Variants in CLPTM1L observed in about 807,000 individuals in gnomAD.
CLPTM1L encodes CLPTM1 like, also known as lipid scramblase CLPTM1L.
In CLPTM1L, 38 loss-of-function variants were observed where a neutral mutation model predicts 70.9. That is an observed-to-expected ratio of 0.54 (90% CI 0.41 to 0.70). The LOEUF is 0.70. Ranked by LOEUF, CLPTM1L falls within the 30% of genes least tolerant of loss-of-function variation. CLPTM1L has a pLI of 0.00. For missense variants in CLPTM1L, 652 were observed against 705.9 expected (o/e 0.92, Z 0.87); for synonymous variants, 339 against 299.9 (o/e 1.13, Z -1.35).
chr5:1,325,975 G>C (rs1752508833), intron 9 of CLPTM1L, 159 bp from the exon 10 acceptor site: 1 of 625,656 alleles, frequency 1.6e-6, no homozygotes. Flanking sequence ...GAGCGCTGGA[G>C]GCTGGACCTG....
At chr5:1,319,566 C>T (rs1400730909) in intron 16 of CLPTM1L, among the ~76,000 whole-genome samples, 1 of 152,214 alleles carries the variant, frequency 6.6e-6, no homozygotes, top group African/African-American at 2.4e-5. Context: ...CCCCAAGGGC[C>T]GGCACCCCGG....
chr5:1,324,920 C>G, intron 10 of CLPTM1L, 107 bp from the exon 11 acceptor site: 1 of 1,046,750 alleles, frequency 9.6e-7, no homozygotes, highest in Middle Eastern at 2.1e-4. Flanking sequence ...TGACCCAGGC[C>G]TCACTACAGA....
rs1046141820 is a variant in CLPTM1L at position 1,344,654 on chromosome 5, C to T, written c.162+26G>A. 5.8e-6 allele frequency: 9 copies of T among 1,543,798 alleles called. No individual in the cohort carries two copies. The African/African-American group carries it at 1.1e-4, about 19-fold the overall frequency. On this transcript the variant is annotated intron_variant, in intron 1 of 16. Transcript: ENST00000320895. ...GGAGAGGCCCCCACCCCAACCCGCC[C>T]GGCCCCCGGCCCCGCGGACGCTCAC...
Position 1,318,343 on chromosome 5 carries a change from T to C in CLPTM1L, c.*26A>G. Reference sequence around the variant, plus strand: ...TACTCATTGACAATTCAAGTTGCACTTGGCTGGCGGCAGCCCGGGCGGCCT... The same window carrying C: ...TACTCATTGACAATTCAAGTTGCACCTGGCTGGCGGCAGCCCGGGCGGCCT... On this transcript the variant is annotated 3_prime_UTR_variant, in exon 17 of 17. Coordinates refer to ENST00000320895, the MANE Select transcript of CLPTM1L (RefSeq NM_030782.5). The surrounding 1 kb of genome is among the most constrained non-coding windows in gnomAD (Gnocchi z 8.9). 1 of 1,598,120 alleles carries C rather than the reference T, an allele frequency of 6.3e-7. No homozygotes were observed. Among genetic ancestry groups the C allele is most frequent in the Non-Finnish European group, 8.6e-7 (1 of 1,166,982 alleles).
chr5:1,328,341 GCTCCTCCTCTACGGACACATTT>G (rs1752778052), intron 9 of CLPTM1L, among the ~76,000 whole-genome samples: 6 of 74,640 alleles, frequency 8.0e-5, no homozygotes, highest in African/African-American at 3.7e-4. Flanking sequence ...ATTTCATCCA[GCTCCTCCTCTACGGACACATTT>G]CATCCAGCTC....
intron 7 of CLPTM1L, 22 bp from the exon 8 acceptor site, chr5:1,331,905 G>A (rs764038874): frequency 1.3e-6 from 2 of 1,589,244 alleles, no homozygotes; most frequent in Non-Finnish European, 8.6e-7. Context: ...ACACACGACA[G>A]CAACTCACAT....
Position 1,317,921 on chromosome 5 carries a change from C to T in CLPTM1L, c.*448G>A, listed in dbSNP as rs1751925113. On this transcript the variant is annotated 3_prime_UTR_variant, in exon 17 of 17. Transcript: ENST00000320895. ...TAGAAACATACATTAAGCTTTAAAA[C>T]AACCAACTCTCAAACAAAAGAGGAA... 1 of 160,884 alleles carries T rather than the reference C, an allele frequency of 6.2e-6. No individual in the cohort carries two copies. The highest frequency in any genetic ancestry group is 1.3e-5 in the Non-Finnish European group (1 of 74,226). 10.0% of individuals were successfully genotyped at this position (160,884 alleles called of 1,614,324 possible). A position where few individuals can be genotyped will look rare whatever the true frequency, so the allele number is the denominator to read the frequency against.
intron 9 of CLPTM1L, among the ~76,000 whole-genome samples, chr5:1,327,865 A>G (rs1752732685): frequency 1.4e-5 from 2 of 139,340 alleles, no homozygotes; most frequent in African/African-American, 5.4e-5. Context: ...CTACAGACAC[A>G]TTTCATCCAG....
chr5:1,344,488 G>A, intron 1 of CLPTM1L, 37 bp from the exon 2 acceptor site: 1 of 1,574,802 alleles, frequency 6.3e-7, no homozygotes, highest in Non-Finnish European at 8.7e-7. Flanking sequence ...AGCTCGGCCA[G>A]GCCCTGGCAG....
rs758450868 is a variant in CLPTM1L, at chr5:1,334,349, T to C, written c.831A>G (p.Gly277=). Residue 277 remains glycine, a synonymous_variant, in exon 7 of 17, where the codon GGA becomes GGG. Transcript: ENST00000320895. ...FSEKDADEVK[G]IFVDTNLYFL... is the part of the protein sequence containing the mutation. ...AGTATAAGTTGGTATCTACAAAAATTCCTTTCACCTCATCAGCATCTTTCT... is the reference window on the plus strand; with the variant it reads ...AGTATAAGTTGGTATCTACAAAAATCCCTTTCACCTCATCAGCATCTTTCT... The C allele has an allele frequency of 1.9e-6, 3 of 1,613,038 alleles. No homozygotes were observed. In the East Asian group the frequency reaches 6.7e-5, roughly 36 times the overall value.
intron 5 of CLPTM1L, 111 bp downstream of exon 5, chr5:1,337,793 C>T (rs1011547941): frequency 4.7e-6 from 4 of 859,110 alleles, no homozygotes; most frequent in Admixed American, 2.1e-5. Flanking sequence ...GTAAAAGCAC[C>T]GTGTCAAATG....
chr5:1,344,609 G>A lies in CLPTM1L; in HGVS notation c.162+71C>T, dbSNP rs975638949. 245 of 1,505,222 alleles carry A rather than the reference G, an allele frequency of 1.6e-4. No homozygotes were observed. The African/African-American group carries it at 2.4e-3, about 14-fold the overall frequency. The allele number at this position is 1,505,222 out of a possible 1,614,324, so 93.2% of individuals were successfully genotyped here. ...CCACAGCTCCGAACTGGGACGGGAAGGCGACGTCTGGGGCCTGGAGGAGAG... is the reference window on the plus strand; with the variant it reads ...CCACAGCTCCGAACTGGGACGGGAAAGCGACGTCTGGGGCCTGGAGGAGAG... On this transcript the variant is annotated intron_variant, in intron 1 of 16. Coordinates refer to ENST00000320895, the MANE Select transcript of CLPTM1L (RefSeq NM_030782.5).
rs565288039 is a variant in CLPTM1L at position 1,327,825 on chromosome 5, T to C, written c.1081-2009A>G. On this transcript the variant is annotated intron_variant, in intron 9 of 16. Coordinates refer to ENST00000320895, the MANE Select transcript of CLPTM1L (RefSeq NM_030782.5). Reference sequence around the variant, plus strand: ...CAGACACATTCCATCCAGCTCCTCCTCTACAGACACATTCCATCCAGCTCC... The same window carrying C: ...CAGACACATTCCATCCAGCTCCTCCCCTACAGACACATTCCATCCAGCTCC... Among the ~76,000 whole-genome samples, 14 of 149,158 alleles carry C rather than the reference T, an allele frequency of 9.4e-5. No homozygotes were observed. In the South Asian group the frequency reaches 3.0e-3, roughly 32 times the overall value.
At chr5:1,339,858 C>G (rs1328163908) in intron 3 of CLPTM1L, among the ~76,000 whole-genome samples, 2 of 125,378 alleles carry the variant, frequency 1.6e-5, no homozygotes, top group East Asian at 2.3e-4. Context: ...AACCTGTGAA[C>G]AGATGGCCAC....
intron 5 of CLPTM1L, among the ~76,000 whole-genome samples, chr5:1,336,923 C>T (rs577701507): frequency 1.3e-5 from 2 of 152,256 alleles, no homozygotes; most frequent in South Asian, 2.1e-4. Context: ...GCCAGGTGCT[C>T]GCTTCTCCGT....
Position 1,342,075 on chromosome 5 carries a change from C to A in CLPTM1L, c.264-215G>T, listed in dbSNP as rs914945533. Among the ~76,000 whole-genome samples, 1 of 151,286 alleles carries A rather than the reference C, an allele frequency of 6.6e-6. No homozygotes were observed. Among genetic ancestry groups the A allele is most frequent in the African/African-American group, 2.5e-5 (1 of 40,792 alleles). On this transcript the variant is annotated intron_variant, in intron 2 of 16. Coordinates refer to ENST00000320895, the MANE Select transcript of CLPTM1L (RefSeq NM_030782.5). This position sits in a 1 kb window ranked among gnomAD's most constrained non-coding sequence, Gnocchi z 4.3. The stretch of plus-strand genomic sequence containing the variant: ...GCGTGCGCGTCCTGAGAACTCGGCA[C>A]AGGTGTGGGCGCCTACAGCCGAAAG...
intron 12 of CLPTM1L, among the ~76,000 whole-genome samples, chr5:1,323,466 G>A (rs1461846920): frequency 6.2e-5 from 9 of 146,170 alleles, no homozygotes; most frequent in African/African-American, 2.0e-4. Flanking sequence ...GAGGCCGGGG[G>A]CTCCGGGAAC....
At chr5:1,329,615 G>T (rs1345035423) in intron 9 of CLPTM1L, among the ~76,000 whole-genome samples, 1 of 130,778 alleles carries the variant, frequency 7.6e-6, no homozygotes, top group East Asian at 2.5e-4. Flanking sequence ...GGTGGACAGG[G>T]CCTCAGGACT....
chr5:1,341,811 AC>A lies in CLPTM1L; in HGVS notation c.312del (p.Tyr105MetfsTer26). ...GCGTGATGGAGGAAGATGTAGGCAT[AC>A]AGCGTCCCATTGTTTCTCGTTTTCT... ...VPKKTRNNGT[L>X]YAYIFLHHAG... On this transcript the variant is annotated frameshift_variant, in exon 3 of 17. Transcript: ENST00000320895. LOFTEE classifies it high-confidence loss of function. 6.2e-7 allele frequency: 1 copy of A among 1,614,144 alleles called. No individual in the cohort carries two copies. The highest frequency in any genetic ancestry group is 8.5e-7 in the Non-Finnish European group (1 of 1,179,992).
Sources: gnomAD v4.1 joint callset for allele counts (sites outside exome capture counted in the v4.1 genomes callset) on GRCh38, gnomAD v4.1.1 for gene constraint, Gnocchi (gnomAD v3.1) non-coding constraint, MANE v1.5 for transcripts, NCBI Gene and HGNC (gene_info 2026-07-23, HGNC 2026-07-21) for gene names.